ST6GALNAC3: variants seen among roughly 807,000 people sequenced by gnomAD.
The protein encoded by ST6GALNAC3 is ST6 N-acetylgalactosaminide alpha-2,6-sialyltransferase 3.
ST6GALNAC3 carries 25 observed loss-of-function variants against 32.7 expected under a neutral mutation model. That is an observed-to-expected ratio of 0.76 (90% confidence interval 0.56 to 1.07). The LOEUF (loss-of-function observed/expected upper bound fraction) is 1.07, where lower values mean the gene tolerates loss of function less well. Ranked by LOEUF, ST6GALNAC3 falls within the 50% of genes least tolerant of loss-of-function variation. The probability of loss-of-function intolerance (pLI) is 0.00; values close to 1 mark genes in which losing one functional copy is unlikely to be tolerated. For missense variants in ST6GALNAC3, 355 were observed against 382.4 expected (o/e 0.93, Z 0.60); for synonymous variants, 129 against 133.1 (o/e 0.97, Z 0.21).
intron 3 of ST6GALNAC3, among the ~76,000 whole-genome samples, chr1:76,480,890 T>C (rs1161044712): frequency 6.6e-6 from 1 of 152,106 alleles, no homozygotes; most frequent in African/African-American, 2.4e-5. Flanking sequence ...AAAAGCATCA[T>C]TCCACTAGTT....
At chr1:76,373,866 A>T (rs1041470221) in intron 2 of ST6GALNAC3, among the ~76,000 whole-genome samples, 1 of 152,204 alleles carries the variant, frequency 6.6e-6, no homozygotes, top group Non-Finnish European at 1.5e-5. Context: ...CTCTCAAAGC[A>T]TTCTAGAGAC....
intron 3 of ST6GALNAC3, among the ~76,000 whole-genome samples, chr1:76,438,999 G>A (rs902542108): frequency 6.6e-6 from 1 of 152,176 alleles, no homozygotes; most frequent in African/African-American, 2.4e-5. Flanking sequence ...ATTTGGAAGT[G>A]AGAAAAGTGA....
intron 1 of ST6GALNAC3, among the ~76,000 whole-genome samples, chr1:76,171,817 C>CAAAAAAAAAAAAACAAAAAAAAAAAAAA (rs1652523884): frequency 7.5e-6 from 1 of 133,066 alleles, no homozygotes. Context: ...AAAACAACAA[C>CAAAAAAAAAAAAACAAAAAAAAAAAAAA]AAAAAAAAAA....
chr1:76,381,862 T>C (rs1008275270), intron 2 of ST6GALNAC3, among the ~76,000 whole-genome samples: 1 of 151,948 alleles, frequency 6.6e-6, no homozygotes, highest in African/African-American at 2.4e-5. Context: ...CACGTGACTT[T>C]CCCTGAGGAA....
At chr1:76,236,528 T>C (rs1233276172) in intron 1 of ST6GALNAC3, among the ~76,000 whole-genome samples, 2 of 152,344 alleles carry the variant, frequency 1.3e-5, no homozygotes, top group Non-Finnish European at 2.9e-5. Flanking sequence ...TACTATATTG[T>C]CAAAAACTTC....
chr1:76,593,842 G>A (rs1002155046), intron 3 of ST6GALNAC3, among the ~76,000 whole-genome samples: 1 of 152,150 alleles, frequency 6.6e-6, no homozygotes, highest in Non-Finnish European at 1.5e-5. Context: ...TCAGTATGAT[G>A]TAAGAAGCAT....
chr1:76,506,634 T>C (rs777686054), intron 3 of ST6GALNAC3, among the ~76,000 whole-genome samples: 4 of 152,242 alleles, frequency 2.6e-5, no homozygotes, highest in Non-Finnish European at 5.9e-5. Flanking sequence ...GACACATTTA[T>C]ACTTGAAGGT....
At chr1:76,182,161 T>G (rs450133) in intron 1 of ST6GALNAC3, among the ~76,000 whole-genome samples, 21,113 of 152,202 alleles carry the variant, frequency 0.14, 1,715 homozygotes, top group Non-Finnish European at 0.19. Flanking sequence ...TGAGCTATAC[T>G]TATCATTTAC....
chr1:76,456,486 A>G (rs1277594051), intron 3 of ST6GALNAC3, among the ~76,000 whole-genome samples: 1 of 152,080 alleles, frequency 6.6e-6, no homozygotes, highest in African/African-American at 2.4e-5. Flanking sequence ...TAGGATAAGA[A>G]GCATGTTTCA....
At chr1:76,288,264 G>C (rs112607546) in intron 1 of ST6GALNAC3, among the ~76,000 whole-genome samples, 208 of 152,286 alleles carry the variant, frequency 1.4e-3, no homozygotes, top group African/African-American at 4.7e-3. Context: ...CTTATACCCA[G>C]TAACGATGTG....
intron 3 of ST6GALNAC3, among the ~76,000 whole-genome samples, chr1:76,503,794 G>A (rs920103014): frequency 6.6e-6 from 1 of 152,116 alleles, no homozygotes; most frequent in South Asian, 2.1e-4. Context: ...TTACAAACTC[G>A]GCTCAACCAT....
chr1:76,364,205 G>A (rs1036112323), intron 2 of ST6GALNAC3, among the ~76,000 whole-genome samples: 2 of 152,186 alleles, frequency 1.3e-5, no homozygotes, highest in Non-Finnish European at 2.9e-5. Flanking sequence ...TCTCCTGAAG[G>A]ACCAAGGAGG....
intron 2 of ST6GALNAC3, among the ~76,000 whole-genome samples, chr1:76,409,352 A>G (rs1344250634): frequency 1.1e-4 from 16 of 152,128 alleles, no homozygotes; most frequent in Admixed American, 1.0e-3. Flanking sequence ...CTGCAAGTCA[A>G]GTTTTTTTCA....
intron 2 of ST6GALNAC3, among the ~76,000 whole-genome samples, chr1:76,372,857 G>A (rs1650935405): frequency 6.6e-6 from 1 of 152,204 alleles, no homozygotes; most frequent in South Asian, 2.1e-4. Context: ...AAAAGGGATA[G>A]AAGTCAGTTT....
chr1:76,567,356 A>C (rs1436061456), intron 3 of ST6GALNAC3, among the ~76,000 whole-genome samples: 1 of 152,188 alleles, frequency 6.6e-6, no homozygotes, highest in Non-Finnish European at 1.5e-5. Context: ...ATAACTGGCA[A>C]AGTAAGGTAC....
chr1:76,336,475 G>A (rs765072553), intron 2 of ST6GALNAC3, among the ~76,000 whole-genome samples: 43 of 152,226 alleles, frequency 2.8e-4, no homozygotes, highest in African/African-American at 9.1e-4. Flanking sequence ...CATTCGATTC[G>A]GTGGCATTGA....
chr1:76,211,410 A>G (rs1655150914), intron 1 of ST6GALNAC3, among the ~76,000 whole-genome samples: 1 of 152,208 alleles, frequency 6.6e-6, no homozygotes, highest in Admixed American at 6.5e-5. Flanking sequence ...TAGAAACACC[A>G]TTTGACCCAG....
At chr1:76,101,640 G>T (rs1647230827) in intron 1 of ST6GALNAC3, among the ~76,000 whole-genome samples, 3 of 152,110 alleles carry the variant, frequency 2.0e-5, no homozygotes, top group Admixed American at 6.5e-5. Context: ...TTTAAAAAAT[G>T]ATTTCTTGAA....
In ST6GALNAC3 at chr1:76,548,820, C is replaced by T. The variant is rs560492539; in HGVS notation, c.624-78632C>T. ...CAGTCATGGTTCCATATTTTTTTCT[C>T]TTCATGGCATTTACCATGATTTGTA... On this transcript the variant is annotated intron_variant, in intron 3 of 4. Coordinates refer to ENST00000328299, the MANE Select transcript of ST6GALNAC3 (RefSeq NM_152996.4). Among the ~76,000 whole-genome samples, 3 of 152,244 alleles carry T rather than the reference C, an allele frequency of 2.0e-5. No individual in the cohort carries two copies. In the East Asian group the frequency reaches 5.8e-4, roughly 29 times the overall value.
Sources: gnomAD v4.1 joint callset for allele counts (sites outside exome capture counted in the v4.1 genomes callset) on GRCh38, gnomAD v4.1.1 for gene constraint, MANE v1.5 for transcripts, NCBI Gene and HGNC (gene_info 2026-07-23, HGNC 2026-07-21) for gene names.